PHC2: variants seen among roughly 807,000 people sequenced by gnomAD.
The protein encoded by PHC2 is polyhomeotic-like protein 2.
In PHC2, 29 loss-of-function variants were observed where a neutral mutation model predicts 87.4. That is an observed-to-expected ratio of 0.33 (90% CI 0.25 to 0.45). The LOEUF (loss-of-function observed/expected upper bound fraction) is 0.45, where lower values mean the gene tolerates loss of function less well. Ranked by LOEUF, PHC2 falls within the 20% of genes least tolerant of loss-of-function variation. The pLI is 1.00. For missense variants in PHC2, 857 were observed against 1,136.7 expected, an observed-to-expected ratio of 0.75 and a Z score of 3.54; for synonymous variants, 438 against 461.7, an observed-to-expected ratio of 0.95 and a Z score of 0.66.
intron 6 of PHC2, among the ~76,000 whole-genome samples, chr1:33,367,830 A>G (rs1647569582): frequency 6.6e-6 from 1 of 152,168 alleles, no homozygotes; most frequent in Admixed American, 6.5e-5. Context: ...AGGCCAGGGC[A>G]AAAGTGGAAG....
intron 1 of PHC2, among the ~76,000 whole-genome samples, chr1:33,385,402 A>G (rs1469735342): frequency 6.6e-6 from 1 of 152,222 alleles, no homozygotes; most frequent in Non-Finnish European, 1.5e-5. Context: ...AAAAATGAGC[A>G]AACATTGCCA....
intron 1 of PHC2, among the ~76,000 whole-genome samples, chr1:33,408,436 T>G (rs1321615228): frequency 1.7e-5 from 2 of 118,024 alleles, no homozygotes; most frequent in Admixed American, 7.7e-5. Flanking sequence ...ACCCTTTCTG[T>G]TTTTAGTAGT....
chr1:33,350,691 T>C (rs1646955222), intron 9 of PHC2, among the ~76,000 whole-genome samples: 1 of 152,258 alleles, frequency 6.6e-6, no homozygotes, highest in Non-Finnish European at 1.5e-5. Context: ...AGTATTCATA[T>C]TCGTTGCCTG....
At chr1:33,325,676 G>A (rs796881590) in intron 14 of PHC2, 4 of 334,340 alleles carry the variant, frequency 1.2e-5, no homozygotes, top group East Asian at 7.9e-5. Flanking sequence ...CTGCCCAGCC[G>A]AGCCACTCGA....
chr1:33,394,105 G>A (rs529256212), intron 1 of PHC2, among the ~76,000 whole-genome samples: 1 of 152,152 alleles, frequency 6.6e-6, no homozygotes, highest in Admixed American at 6.5e-5. Context: ...TTTGAGTCAG[G>A]CACTTTTATC....
chr1:33,427,425 G>A (rs1046012281), intron 1 of PHC2, among the ~76,000 whole-genome samples: 3 of 152,116 alleles, frequency 2.0e-5, no homozygotes, highest in African/African-American at 7.2e-5. Flanking sequence ...TTAATCTTCC[G>A]CTTGACTGTG....
At chr1:33,325,835 G>A (rs764646943) in intron 14 of PHC2, 5 of 456,254 alleles carry the variant, frequency 1.1e-5, no homozygotes, top group South Asian at 7.8e-5. Context: ...CTATAGATGT[G>A]GGCGTGGCCT....
At chr1:33,354,293 C>T (rs1415731840) in intron 9 of PHC2, 108 bp downstream of exon 9, 1 of 1,053,474 alleles carries the variant, frequency 9.5e-7, no homozygotes, top group South Asian at 1.5e-5. Context: ...AGCTTCCTTG[C>T]TTGTAATAGT....
chr1:33,370,407 C>T lies in PHC2; in HGVS notation c.576+14G>A. On this transcript the variant is annotated intron_variant, in intron 5 of 14. Coordinates refer to ENST00000683057, the MANE Select transcript of PHC2 (RefSeq NM_001385109.1). ...TGGTGCCTCTGAGCCATGGCCCTGG[C>T]CATGGGTACTCACCATCTGTGCCCT... is the stretch of plus-strand genomic sequence containing the variant. 1 of 1,609,312 alleles carries T rather than the reference C, an allele frequency of 6.2e-7. No individual in the cohort carries two copies. The highest frequency in any genetic ancestry group is 8.5e-7 in the Non-Finnish European group (1 of 1,176,472).
intron 1 of PHC2, among the ~76,000 whole-genome samples, chr1:33,389,790 G>GT (rs1648958577): frequency 6.6e-6 from 1 of 152,004 alleles, no homozygotes. Context: ...TTTTATACTC[G>GT]TAAGTTTGCC....
chr1:33,328,373 A>T (rs1332127322), intron 14 of PHC2, among the ~76,000 whole-genome samples: 1 of 127,800 alleles, frequency 7.8e-6, no homozygotes, highest in Non-Finnish European at 1.6e-5. Context: ...CATTTTCTTA[A>T]TTAAATTTTT....
intron 9 of PHC2, among the ~76,000 whole-genome samples, chr1:33,337,386 T>C (rs1358160290): frequency 6.6e-6 from 1 of 152,230 alleles, no homozygotes. Flanking sequence ...TATTAATTTC[T>C]GCCCAGTTAT....
chr1:33,328,215 ACCACCACTTGTGCT>A (rs756507046), intron 14 of PHC2, among the ~76,000 whole-genome samples: 2 of 152,000 alleles, frequency 1.3e-5, no homozygotes, highest in Non-Finnish European at 2.9e-5. Flanking sequence ...CCCGGGCCTC[ACCACCACTTGTGCT>A]CCACCACGCA....
At chr1:33,345,966 CT>C in intron 9 of PHC2, 1 of 984,902 alleles carries the variant, frequency 1.0e-6, no homozygotes, top group East Asian at 1.1e-4. Flanking sequence ...AAATAGGCAA[CT>C]TTTTTTAAAA....
At chr1:33,427,353 G>A (rs1464139465) in intron 1 of PHC2, among the ~76,000 whole-genome samples, 1 of 152,144 alleles carries the variant, frequency 6.6e-6, no homozygotes, top group Non-Finnish European at 1.5e-5. Flanking sequence ...TTGCTATTAA[G>A]GATATGAAAT....
At chr1:33,394,544 A>G (rs1420281424) in intron 1 of PHC2, among the ~76,000 whole-genome samples, 2 of 151,994 alleles carry the variant, frequency 1.3e-5, no homozygotes, top group Non-Finnish European at 2.9e-5. Flanking sequence ...TGGTAGGGGG[A>G]GCAGAGAGGC....
chr1:33,366,217 A>T (rs1647438688), intron 7 of PHC2, among the ~76,000 whole-genome samples: 1 of 152,254 alleles, frequency 6.6e-6, no homozygotes, highest in Non-Finnish European at 1.5e-5. Flanking sequence ...TGTCTCAGGG[A>T]TGCGATCAGC....
chr1:33,332,818 A>AT lies in PHC2; in HGVS notation c.1762-415dup, dbSNP rs1646532206. Among the ~76,000 whole-genome samples, 2 of 152,082 alleles carry AT rather than the reference A, an allele frequency of 1.3e-5. No individual in the cohort carries two copies. The highest frequency in any genetic ancestry group is 4.8e-5 in the African/African-American group (2 of 41,468). ...AGAGAGACTCAGCACCCATTTTCTG[A>AT]TTTTTTTACTGTTCTCCACCTTACC... On this transcript the variant is annotated intron_variant, in intron 10 of 14. Transcript: ENST00000683057. The surrounding 1 kb of genome is among the most constrained non-coding windows in gnomAD (Gnocchi z 4.2).
In PHC2 at chr1:33,353,639, C is replaced by T. The variant is rs1049398645; in HGVS notation, c.1558+762G>A. On this transcript the variant is annotated intron_variant, in intron 9 of 14. Coordinates refer to ENST00000683057, the MANE Select transcript of PHC2 (RefSeq NM_001385109.1). ...AACTCTTTTTCTCTTTCCTGTTCCC[C>T]GCCCCTACCCCCTCAGCAAACACAG... Among the ~76,000 whole-genome samples the T allele has an allele frequency of 3.3e-5, 5 of 152,258 alleles. No individual in the cohort carries two copies. In the East Asian group the frequency reaches 7.7e-4, roughly 23 times the overall value.
Sources: allele counts gnomAD v4.1 joint callset (sites outside exome capture counted in the v4.1 genomes callset), GRCh38; gene constraint gnomAD v4.1.1; non-coding constraint Gnocchi (gnomAD v3.1); transcripts MANE v1.5; gene names NCBI Gene and HGNC (gene_info 2026-07-23, HGNC 2026-07-21).